RBFOX1: variants seen among roughly 807,000 people sequenced by gnomAD.
The protein encoded by RBFOX1 is RNA binding fox-1 homolog 1.
In RBFOX1, 8 loss-of-function variants were observed where a neutral mutation model predicts 57.7. The observed-to-expected ratio is 0.14, with a 90% CI of 0.08 to 0.25. The LOEUF is 0.25. RBFOX1 is among the 10% of genes least tolerant of loss of function. The pLI, the probability that RBFOX1 is intolerant of heterozygous loss-of-function variation, is 1.00. For synonymous variants in RBFOX1, 326 were observed against 222.4 expected, an observed-to-expected ratio of 1.47 and a Z score of -4.15; for missense variants, 611 against 548.5, an observed-to-expected ratio of 1.11 and a Z score of -1.14.
At chr16:6,928,940 A>G (rs962567494) in intron 3 of RBFOX1, among the ~76,000 whole-genome samples, 1 of 152,224 alleles carries the variant, frequency 6.6e-6, no homozygotes, top group South Asian at 2.1e-4. Context: ...CAAGTCCCCA[A>G]AGCAGATGTC....
At chr16:7,229,569 AGGG>A (rs1220599577) in intron 4 of RBFOX1, among the ~76,000 whole-genome samples, 9 of 127,910 alleles carry the variant, frequency 7.0e-5, no homozygotes, top group South Asian at 3.0e-4. Context: ...GAAGGGAGGG[AGGG>A]GAAGGAGAAA....
chr16:7,258,152 C>G (rs1049878980), intron 4 of RBFOX1, among the ~76,000 whole-genome samples: 10 of 152,140 alleles, frequency 6.6e-5, no homozygotes, highest in African/African-American at 2.4e-4. Flanking sequence ...AATTTCTTGA[C>G]TATTTTATTC....
intron 3 of RBFOX1, among the ~76,000 whole-genome samples, chr16:6,929,862 T>G (rs1244570029): frequency 6.6e-6 from 1 of 152,182 alleles, no homozygotes; most frequent in Non-Finnish European, 1.5e-5. Flanking sequence ...CATCCTGACC[T>G]ACATTTAAAA....
chr16:5,966,999 G>GT (rs1034672025), intron 4 of RBFOX1, among the ~76,000 whole-genome samples: 10 of 134,940 alleles, frequency 7.4e-5, no homozygotes, highest in African/African-American at 2.4e-4. Context: ...ATCGGGGGGG[G>GT]GGGGGTCAAT....
In RBFOX1 at chr16:5,856,220, T is replaced by TATACAC. The variant is rs1555547633; in HGVS notation, c.319-11080_319-11079insCACATA. ...ATATATATATATACATATATATGTA[T>TATACAC]ATATATATGTATATATATGTGTATA... On this transcript the variant is annotated intron_variant, in intron 3 of 19. Transcript: ENST00000641259. Among the ~76,000 whole-genome samples the TATACAC allele has an allele frequency of 2.1e-3, 67 of 31,284 alleles. 3 individuals are homozygous for TATACAC. Among genetic ancestry groups the TATACAC allele is most frequent in the Non-Finnish European group, 4.4e-3 (60 of 13,558 alleles). The allele number at this position is 31,284 out of a possible 152,430, so 20.5% of individuals were successfully genotyped here.
At chr16:6,893,998 A>G (rs965337465) in intron 3 of RBFOX1, among the ~76,000 whole-genome samples, 4 of 152,154 alleles carry the variant, frequency 2.6e-5, no homozygotes, top group African/African-American at 9.7e-5. Flanking sequence ...AGACAGTGCT[A>G]TGATGTCTTC....
intron 3 of RBFOX1, chr16:6,774,009 A>G: frequency 1.0e-6 from 1 of 985,274 alleles, no homozygotes; most frequent in Non-Finnish European, 1.2e-6. Context: ...CTCCTCAGAG[A>G]CCAGGTAATC....
At chr16:7,294,138 G>A (rs766696705) in intron 4 of RBFOX1, among the ~76,000 whole-genome samples, 1 of 152,154 alleles carries the variant, frequency 6.6e-6, no homozygotes, top group African/African-American at 2.4e-5. Context: ...AACACAGAGA[G>A]TGGGTGGGGT....
intron 1 of RBFOX1, among the ~76,000 whole-genome samples, chr16:5,367,946 T>A (rs2065764986): frequency 6.6e-6 from 1 of 152,182 alleles, no homozygotes; most frequent in Non-Finnish European, 1.5e-5. Context: ...GACCTTGGGT[T>A]GTGAGGAGTT....
At chr16:7,039,394 T>A (rs1040499201) in intron 3 of RBFOX1, among the ~76,000 whole-genome samples, 1 of 152,224 alleles carries the variant, frequency 6.6e-6, no homozygotes, top group Non-Finnish European at 1.5e-5. Flanking sequence ...GAAAACATCG[T>A]GGGAGAGCTG....
intron 3 of RBFOX1, among the ~76,000 whole-genome samples, chr16:6,736,948 G>A (rs1316951432): frequency 1.3e-5 from 2 of 152,174 alleles, no homozygotes; most frequent in East Asian, 3.9e-4. Flanking sequence ...TGTGAAGTTA[G>A]CATCGGGAAG....
At chr16:7,210,037 C>T (rs566076933) in intron 4 of RBFOX1, among the ~76,000 whole-genome samples, 26 of 152,252 alleles carry the variant, frequency 1.7e-4, no homozygotes, top group African/African-American at 2.9e-4. Flanking sequence ...CCAGGGATAG[C>T]GACGCTCAGT....
chr16:6,546,417 G>C (rs960218001), intron 2 of RBFOX1, among the ~76,000 whole-genome samples: 1 of 152,186 alleles, frequency 6.6e-6, no homozygotes, highest in African/African-American at 2.4e-5. Flanking sequence ...CAAAGTCAGG[G>C]TGTCAGCTGG....
chr16:6,625,549 C>T (rs953439176), intron 2 of RBFOX1, among the ~76,000 whole-genome samples: 4 of 152,168 alleles, frequency 2.6e-5, no homozygotes, highest in East Asian at 1.9e-4. Flanking sequence ...CCCTCTCTGT[C>T]TGTTATTTTT....
chr16:5,698,956 T>A (rs555913450), intron 3 of RBFOX1, among the ~76,000 whole-genome samples: 1 of 151,672 alleles, frequency 6.6e-6, no homozygotes, highest in Admixed American at 6.6e-5. Context: ...GTTTTAGATA[T>A]CTCTCTTATA....
At chr16:5,898,913 A>AG (rs2058234690) in intron 4 of RBFOX1, among the ~76,000 whole-genome samples, 1 of 147,980 alleles carries the variant, frequency 6.8e-6, no homozygotes, top group Non-Finnish European at 1.5e-5. Flanking sequence ...AAAAAAAAAA[A>AG]GTAGCCGGGT....
intron 4 of RBFOX1, among the ~76,000 whole-genome samples, chr16:7,452,257 C>G (rs1310781337): frequency 6.6e-6 from 1 of 152,184 alleles, no homozygotes; most frequent in Non-Finnish European, 1.5e-5. Flanking sequence ...TAGTAATAGT[C>G]TATTTAGGGT....
chr16:6,519,661 AC>A, intron 2 of RBFOX1, among the ~76,000 whole-genome samples: 1 of 152,176 alleles, frequency 6.6e-6, no homozygotes, highest in Non-Finnish European at 1.5e-5. Flanking sequence ...AGATCACGCT[AC>A]TGCACTGCAG....
chr16:6,826,818 T>C (rs958131870), intron 3 of RBFOX1, among the ~76,000 whole-genome samples: 1 of 152,184 alleles, frequency 6.6e-6, no homozygotes, highest in Admixed American at 6.5e-5. Context: ...TAAACATTAA[T>C]GTAAGATAAA....
Sources: gnomAD v4.1 joint callset for allele counts (sites outside exome capture counted in the v4.1 genomes callset) on GRCh38, gnomAD v4.1.1 for gene constraint, MANE v1.5 for transcripts, NCBI Gene and HGNC (gene_info 2026-07-23, HGNC 2026-07-21) for gene names.